Variants in KSR2 observed in about 807,000 individuals in gnomAD.
KSR2 encodes the protein kinase suppressor of ras 2.
In KSR2, 25 loss-of-function variants were observed where a neutral mutation model predicts 107.8. That is an observed-to-expected ratio of 0.23 (90% CI 0.17 to 0.32). The LOEUF (loss-of-function observed/expected upper bound fraction) is 0.32, where lower values mean the gene tolerates loss of function less well. Ranked by LOEUF, KSR2 falls within the 10% of genes least tolerant of loss-of-function variation. The pLI, the probability that KSR2 is intolerant of heterozygous loss-of-function variation, is 1.00. For synonymous variants in KSR2, 480 were observed against 507.0 expected, an observed-to-expected ratio of 0.95 and a Z score of 0.71; for missense variants, 887 against 1,268.9, an observed-to-expected ratio of 0.70 and a Z score of 4.57.
intron 1 of KSR2, among the ~76,000 whole-genome samples, chr12:117,882,558 C>T: frequency 6.6e-6 from 1 of 152,118 alleles, no homozygotes; most frequent in Non-Finnish European, 1.5e-5. Flanking sequence ...GCCATCTATC[C>T]ATTCATCCAT....
intron 4 of KSR2, among the ~76,000 whole-genome samples, chr12:117,700,485 C>T (rs942483832): frequency 6.6e-6 from 1 of 152,186 alleles, no homozygotes; most frequent in Non-Finnish European, 1.5e-5. Context: ...CCTTAATGAA[C>T]ATGAAGTGCA....
intron 5 of KSR2, among the ~76,000 whole-genome samples, chr12:117,639,035 G>A (rs937841761): frequency 2.6e-5 from 4 of 152,054 alleles, no homozygotes; most frequent in East Asian, 3.9e-4. Context: ...CCCTAATCCC[G>A]GCCCTCATTC....
chr12:117,569,978 A>G (rs1878770743), intron 7 of KSR2, among the ~76,000 whole-genome samples: 1 of 151,614 alleles, frequency 6.6e-6, no homozygotes, highest in African/African-American at 2.4e-5. Context: ...TTGGACCCCC[A>G]GGGAACATTT....
At chr12:117,895,546 C>A (rs187911272) in intron 1 of KSR2, among the ~76,000 whole-genome samples, 15 of 152,120 alleles carry the variant, frequency 9.9e-5, no homozygotes, top group Admixed American at 7.2e-4. Flanking sequence ...GGATTTCATA[C>A]CTCCTAGGAT....
chr12:117,676,618 C>T (rs1885132956), intron 4 of KSR2, among the ~76,000 whole-genome samples: 1 of 152,044 alleles, frequency 6.6e-6, no homozygotes, highest in Non-Finnish European at 1.5e-5. Flanking sequence ...AGTATAGATC[C>T]CACCCAAATG....
chr12:117,772,675 ACACT>A (rs772434970), intron 3 of KSR2, among the ~76,000 whole-genome samples: 7 of 151,008 alleles, frequency 4.6e-5, no homozygotes, highest in East Asian at 2.0e-4. Flanking sequence ...AGATGCACAC[ACACT>A]CACACATACA....
rs1896853722 is a variant in KSR2 at position 117,968,136 on chromosome 12, C to G, written c.120G>C (p.Gly40=). ...MIDLSISNLE[G]LRTKCATSND... Reference sequence around the variant, plus strand: ...TGGAGGTAGCACATTTGGTCCTAAGCCCTTCCAGGTTGGAGATGCTCAAGT... The same window carrying G: ...TGGAGGTAGCACATTTGGTCCTAAGGCCTTCCAGGTTGGAGATGCTCAAGT... Residue 40 remains glycine (G), a synonymous_variant, in exon 1 of 20, where the codon GGG becomes GGC. Coordinates refer to ENST00000339824, the MANE Select transcript of KSR2 (RefSeq NM_173598.6). The G allele has an allele frequency of 6.2e-7, 1 of 1,609,060 alleles. No homozygotes were observed. The highest frequency in any genetic ancestry group is 8.5e-7 in the Non-Finnish European group (1 of 1,179,254).
chr12:117,966,154 C>A (rs1393193677), intron 1 of KSR2, among the ~76,000 whole-genome samples: 1 of 152,132 alleles, frequency 6.6e-6, no homozygotes, highest in Non-Finnish European at 1.5e-5. Flanking sequence ...GAAGGCAATG[C>A]CCACTGCGGC....
intron 7 of KSR2, among the ~76,000 whole-genome samples, chr12:117,564,034 C>T (rs770019800): frequency 6.6e-6 from 1 of 151,252 alleles, no homozygotes; most frequent in Non-Finnish European, 1.5e-5. Context: ...AGAGCATGAA[C>T]GTGGCCTTCC....
At chr12:117,539,437 A>G (rs1222230798) in intron 10 of KSR2, 1 of 392,594 alleles carries the variant, frequency 2.5e-6, no homozygotes, top group East Asian at 4.3e-5. Context: ...CAGAGTCTCT[A>G]AGAGTTCCTG....
At chr12:117,589,172 AG>A (rs1446042563) in intron 5 of KSR2, among the ~76,000 whole-genome samples, 7 of 152,218 alleles carry the variant, frequency 4.6e-5, no homozygotes, top group Non-Finnish European at 8.8e-5. Context: ...AAGCCATGCC[AG>A]TCTAGAGTTG....
chr12:117,733,159 C>A (rs1334702714), intron 4 of KSR2, among the ~76,000 whole-genome samples: 2 of 152,154 alleles, frequency 1.3e-5, no homozygotes, highest in African/African-American at 4.8e-5. Flanking sequence ...TCCCTCCAGG[C>A]TGAGAGCCAT....
chr12:117,794,691 A>G (rs1243114775), intron 3 of KSR2, among the ~76,000 whole-genome samples: 2 of 147,952 alleles, frequency 1.4e-5, no homozygotes, highest in South Asian at 4.2e-4. Context: ...ACCAACAGGC[A>G]CACACACACC....
intron 4 of KSR2, among the ~76,000 whole-genome samples, chr12:117,743,734 C>T (rs558345356): frequency 3.3e-4 from 50 of 152,318 alleles, no homozygotes; most frequent in African/African-American, 1.2e-3. Flanking sequence ...AACTTTTACA[C>T]TCTCCTACTT....
chr12:117,488,791 G>T (rs1226560080), intron 14 of KSR2, among the ~76,000 whole-genome samples: 3 of 151,774 alleles, frequency 2.0e-5, no homozygotes, highest in Non-Finnish European at 2.9e-5. Flanking sequence ...CTGACTCCTG[G>T]GTTCAAGTGA....
intron 4 of KSR2, among the ~76,000 whole-genome samples, chr12:117,718,450 G>T (rs1215177805): frequency 6.6e-6 from 1 of 152,172 alleles, no homozygotes; most frequent in Admixed American, 6.5e-5. Context: ...GGCTTTCAGG[G>T]TTTTATTCTT....
rs937005256 is a variant in KSR2, at chr12:117,842,416, T to G, written c.472+13012A>C. 3.3e-5 allele frequency among the ~76,000 whole-genome samples: 5 copies of G among 151,862 alleles called. No homozygotes were observed. The highest frequency in any genetic ancestry group is 7.4e-5 in the Non-Finnish European group (5 of 67,972). Reference sequence around the variant, plus strand: ...GGCAGGCGTTGTGAAGAAGAGAGGGTAGCTGGGTGCAATGAGCCAGTGAAA... The same window carrying G: ...GGCAGGCGTTGTGAAGAAGAGAGGGGAGCTGGGTGCAATGAGCCAGTGAAA... On this transcript the variant is annotated intron_variant, in intron 3 of 19. Coordinates refer to ENST00000339824, the MANE Select transcript of KSR2 (RefSeq NM_173598.6). The surrounding 1 kb of genome is among the most constrained non-coding windows in gnomAD (Gnocchi z 4.2).
rs1593334115 is a variant in KSR2, at chr12:117,879,883, G to A, written c.181-19452C>T. 2.0e-5 allele frequency among the ~76,000 whole-genome samples: 3 copies of A among 152,174 alleles called. No individual in the cohort carries two copies. In the South Asian group the frequency reaches 6.2e-4, roughly 32 times the overall value. The stretch of plus-strand genomic sequence containing the variant: ...ATTTATATGAATAGGTCTGGGCACA[G>A]TGCCTGTAATCCCAGCACTTTGGGA... On this transcript the variant is annotated intron_variant, in intron 1 of 19. Transcript: ENST00000339824.
At chr12:117,604,315 C>A (rs1881113362) in intron 5 of KSR2, among the ~76,000 whole-genome samples, 10 of 152,280 alleles carry the variant, frequency 6.6e-5, no homozygotes, top group Admixed American at 6.5e-4. Flanking sequence ...AGAATGGCCA[C>A]CCTGCCGGCT....
Sources: allele counts gnomAD v4.1 joint callset (sites outside exome capture counted in the v4.1 genomes callset), GRCh38; gene constraint gnomAD v4.1.1; non-coding constraint Gnocchi (gnomAD v3.1); transcripts MANE v1.5; gene names NCBI Gene and HGNC (gene_info 2026-07-23, HGNC 2026-07-21).